Variants in SPINDOC observed in about 807,000 individuals in gnomAD.
SPINDOC encodes the protein spindlin interactor and repressor of chromatin binding.
In SPINDOC, 13 loss-of-function variants were observed where a neutral mutation model predicts 30.7. The ratio of observed to expected loss-of-function variants is 0.42; its 90% CI spans 0.28 to 0.67. The LOEUF is 0.67. SPINDOC is among the 30% of genes least tolerant of loss of function. The probability of loss-of-function intolerance (pLI) is 0.22; values close to 1 mark genes in which losing one functional copy is unlikely to be tolerated. For missense variants in SPINDOC, 438 were observed against 518.0 expected, an observed-to-expected ratio of 0.85 and a Z score of 1.50; for synonymous variants, 228 against 211.4, an observed-to-expected ratio of 1.08 and a Z score of -0.68.
At chr11:63,825,507 T>C (rs188560590) in intron 5 of SPINDOC, among the ~76,000 whole-genome samples, 117 of 152,330 alleles carry the variant, frequency 7.7e-4, no homozygotes, top group African/African-American at 2.6e-3. Context: ...TTTTTATTTG[T>C]TTATCCTATT....
rs1468746087 is a variant in SPINDOC at position 63,823,070 on chromosome 11, G to A, written c.935-3858G>A. On this transcript the variant is annotated intron_variant, in intron 5 of 5. Transcript: ENST00000294244. ...ACAAGTGTTCCTGGAGCCTGTGCCCGAGGGAGGCACCCTGGGAGATGGCAT... is the reference window on the plus strand; with the variant it reads ...ACAAGTGTTCCTGGAGCCTGTGCCCAAGGGAGGCACCCTGGGAGATGGCAT... 7 of 1,189,620 alleles carry A rather than the reference G, an allele frequency of 5.9e-6. No individual in the cohort carries two copies. In the African/African-American group the frequency reaches 6.3e-5, roughly 11 times the overall value. The allele number at this position is 1,189,620 out of a possible 1,614,324, so 73.7% of individuals were successfully genotyped here. A position where few individuals can be genotyped will look rare whatever the true frequency, so the allele number is the denominator to read the frequency against.
intron 5 of SPINDOC, among the ~76,000 whole-genome samples, chr11:63,825,787 C>T (rs2015641630): frequency 6.6e-6 from 1 of 152,122 alleles, no homozygotes; most frequent in Admixed American, 6.5e-5. Flanking sequence ...CAGCACATCG[C>T]ACAGCAAAAT....
intron 1 of SPINDOC, among the ~76,000 whole-genome samples, chr11:63,814,408 A>G (rs1039810166): frequency 2.0e-5 from 3 of 152,192 alleles, no homozygotes; most frequent in Non-Finnish European, 4.4e-5. Context: ...GGGACTGCAT[A>G]CAACAGCTAG....
chr11:63,818,386 G>T lies in SPINDOC; in HGVS notation c.607+21G>T. The T allele has an allele frequency of 6.2e-7, 1 of 1,612,100 alleles. No individual in the cohort carries two copies. Among genetic ancestry groups the T allele is most frequent in the Non-Finnish European group, 8.5e-7 (1 of 1,179,020 alleles). On this transcript the variant is annotated intron_variant, in intron 3 of 5. Transcript: ENST00000294244. The surrounding 1 kb of genome is among the most constrained non-coding windows in gnomAD (Gnocchi z 5.3). ...TCCTGGTTAGTCAACAGAGAAGCCAGTGAGCCCCGGTGGAGGTGGGGGTTT... is the reference window on the plus strand; with the variant it reads ...TCCTGGTTAGTCAACAGAGAAGCCATTGAGCCCCGGTGGAGGTGGGGGTTT...
In SPINDOC at chr11:63,813,716, C is replaced by G. The variant is rs1213097071; in HGVS notation, c.30C>G (p.Leu10=). Residue 10 remains leucine (L), a synonymous_variant, in exon 1 of 6, where the codon CTC becomes CTG. Coordinates refer to ENST00000294244, the MANE Select transcript of SPINDOC (RefSeq NM_138471.3). MALKAEGAA[L]DCFEVTLKCE... is the part of the protein sequence containing the mutation. ...CCCTAAAGGCCGAGGGCGCCGCACT[C>G]GACTGCTTCGAGGTGACGCTGAAAT... The G allele has an allele frequency of 2.5e-6, 4 of 1,590,334 alleles. No homozygotes were observed. Among genetic ancestry groups the G allele is most frequent in the African/African-American group, 2.7e-5 (2 of 73,316 alleles).
chr11:63,817,081 T>C (rs924021125), intron 1 of SPINDOC, among the ~76,000 whole-genome samples: 1 of 152,144 alleles, frequency 6.6e-6, no homozygotes, highest in Non-Finnish European at 1.5e-5. Context: ...CTCAGGTGGC[T>C]AAGGCTGGAG....
At chr11:63,822,190 T>A (rs1478860648) in intron 5 of SPINDOC, among the ~76,000 whole-genome samples, 1 of 151,864 alleles carries the variant, frequency 6.6e-6, no homozygotes, top group Non-Finnish European at 1.5e-5. Context: ...AAAAATTTTT[T>A]AAATTAACTG....
chr11:63,826,374 G>C (rs12286800), intron 5 of SPINDOC, among the ~76,000 whole-genome samples: 84,525 of 151,952 alleles, frequency 0.56, 23,897 homozygotes, highest in East Asian at 0.77. Flanking sequence ...CTCCATACTG[G>C]TAAGGTGGAC....
At position 63,827,359 on chromosome 11, in the gene SPINDOC, AG is replaced by A; in HGVS notation, c.*223del. 1 of 735,626 alleles carries A rather than the reference AG, an allele frequency of 1.4e-6. No homozygotes were observed. Among genetic ancestry groups the A allele is most frequent in the Non-Finnish European group, 2.2e-6 (1 of 459,416 alleles). The allele number at this position is 735,626 out of a possible 1,614,324, so 45.6% of individuals were successfully genotyped here. ...AGGGTGGCTGAGGCTGTTGTGCAGTAGGGCACTGGGCCTGTGGAGAACACCT... is the reference window on the plus strand; with the variant it reads ...AGGGTGGCTGAGGCTGTTGTGCAGTAGGCACTGGGCCTGTGGAGAACACCT... On this transcript the variant is annotated 3_prime_UTR_variant, in exon 6 of 6. Coordinates refer to ENST00000294244, the MANE Select transcript of SPINDOC (RefSeq NM_138471.3).
In SPINDOC at chr11:63,813,511, G is replaced by A; in HGVS notation, c.-176G>A. On this transcript the variant is annotated 5_prime_UTR_variant, in exon 1 of 6. Coordinates refer to ENST00000294244, the MANE Select transcript of SPINDOC (RefSeq NM_138471.3). ...CGCGCCGAGGTCTCGGGGAGGCCCG[G>A]ACGCGCCGGTCGCAGGCCCGGCCGG... The A allele has an allele frequency of 2.9e-6, 1 of 344,204 alleles. No homozygotes were observed. The highest frequency in any genetic ancestry group is 4.1e-6 in the Non-Finnish European group (1 of 246,242). The allele number at this position is 344,204 out of a possible 1,614,324, so 21.3% of individuals were successfully genotyped here.
Position 63,818,332 on chromosome 11 carries a change from C to A in SPINDOC, c.574C>A (p.Arg192=), listed in dbSNP as rs643634. ...TAACCCATCCCTCCCTAAAAGGAGC[C>A]GGCCCAGGGGACTCCGCCCCCTCGA... ...EDNPSLPKRS[R]PRGLRPLELP... Residue 192 remains arginine (R), a synonymous_variant, in exon 3 of 6, where the codon CGG becomes AGG. Coordinates refer to ENST00000294244, the MANE Select transcript of SPINDOC (RefSeq NM_138471.3). The surrounding 1 kb of genome is among the most constrained non-coding windows in gnomAD (Gnocchi z 5.3). The A allele has an allele frequency of 0.45, 727,100 of 1,613,528 alleles. 172,435 individuals are homozygous for A. Among genetic ancestry groups the A allele is most frequent in the East Asian group, 0.7 (31,210 of 44,818 alleles).
Position 63,827,109 on chromosome 11 carries a change from AG to A in SPINDOC, c.1119del (p.Lys374SerfsTer20). ...VLSESSTTVA[G>X]KPEKGNGV Reference sequence around the variant, plus strand: ...TGTCAGAATCCAGCACCACTGTGGCAGGGAAGCCGGAAAAAGGGAATGGAGT... The same window carrying A: ...TGTCAGAATCCAGCACCACTGTGGCAGGAAGCCGGAAAAAGGGAATGGAGT... On this transcript the variant is annotated frameshift_variant, in exon 6 of 6. Transcript: ENST00000294244. LOFTEE classifies it high-confidence loss of function. 1 of 1,390,426 alleles carries A rather than the reference AG, an allele frequency of 7.2e-7. No individual in the cohort carries two copies. The highest frequency in any genetic ancestry group is 9.6e-7 in the Non-Finnish European group (1 of 1,037,164). 86.1% of individuals were successfully genotyped at this position (1,390,426 alleles called of 1,614,324 possible).
intron 5 of SPINDOC, among the ~76,000 whole-genome samples, chr11:63,820,617 C>T (rs964833810): frequency 1.6e-4 from 24 of 151,662 alleles, no homozygotes; most frequent in African/African-American, 5.6e-4. Flanking sequence ...TCGGGCCGGG[C>T]GCGGTGGCTC....
intron 5 of SPINDOC, chr11:63,822,496 T>A (rs2015552027): frequency 1.2e-6 from 1 of 809,468 alleles, no homozygotes; most frequent in African/African-American, 1.8e-5. Flanking sequence ...TTTGTATCCT[T>A]CAGAGAGAGC....
chr11:63,815,763 C>G (rs2015322505), intron 1 of SPINDOC, among the ~76,000 whole-genome samples: 1 of 150,932 alleles, frequency 6.6e-6, no homozygotes, highest in Admixed American at 6.6e-5. Context: ...TCTGTATGGT[C>G]ATGGATTTTT....
rs373118347 is a variant in SPINDOC at position 63,818,101 on chromosome 11, G to A, written c.424G>A (p.Val142Met). ...TGAAGGGGTGGCCCTCTTGCAAGAC[G>A]TGAGAGCTGAGCAGCCGTCCCCACC... is the stretch of plus-strand genomic sequence containing the variant. ...WSEGVALLQDVRAEQPSPPNS... is the reference protein window; with the variant it reads ...WSEGVALLQDMRAEQPSPPNS... Residue 142 changes from valine (V) to methionine (M), a missense_variant, in exon 2 of 6, where the codon GTG becomes ATG. Val to Met is a conservative substitution (Grantham distance 21). This residue lies in a region of SPINDOC where 300 missense variants were observed against 332.8 expected (regional missense o/e 0.90). Transcript: ENST00000294244. The surrounding 1 kb of genome is among the most constrained non-coding windows in gnomAD (Gnocchi z 5.3). 78 of 1,614,010 alleles carry A rather than the reference G, an allele frequency of 4.8e-5. No individual in the cohort carries two copies. The highest frequency in any genetic ancestry group is 2.8e-4 in the African/African-American group (21 of 74,900).
rs1328313389 is a variant in SPINDOC at position 63,818,432 on chromosome 11, G to A, written c.607+67G>A. 6.2e-7 allele frequency: 1 copy of A among 1,606,294 alleles called. No homozygotes were observed. On this transcript the variant is annotated intron_variant, in intron 3 of 5. Coordinates refer to ENST00000294244, the MANE Select transcript of SPINDOC (RefSeq NM_138471.3). This position sits in a 1 kb window ranked among gnomAD's most constrained non-coding sequence, Gnocchi z 5.3. Reference sequence around the variant, plus strand: ...GGTTTGGGGACAGGGTGAAATACAGGCCCTGTGTTCTGGGCAGGTATCTTC... The same window carrying A: ...GGTTTGGGGACAGGGTGAAATACAGACCCTGTGTTCTGGGCAGGTATCTTC...
At chr11:63,813,839 C>T in intron 1 of SPINDOC, 26 bp downstream of exon 1, 2 of 1,498,580 alleles carry the variant, frequency 1.3e-6, no homozygotes, top group Non-Finnish European at 1.8e-6. Flanking sequence ...ATTCCACTTC[C>T]GCGTCACGGT....
At chr11:63,825,052 G>A (rs954598358) in intron 5 of SPINDOC, among the ~76,000 whole-genome samples, 2 of 152,188 alleles carry the variant, frequency 1.3e-5, no homozygotes, top group African/African-American at 4.8e-5. Context: ...ACAAACCTAA[G>A]CCAGGTCTCC....
Sources: gnomAD v4.1 joint callset for allele counts (sites outside exome capture counted in the v4.1 genomes callset) on GRCh38, gnomAD v4.1.1 for gene constraint, gnomAD v4.1.1 regional missense constraint, Gnocchi (gnomAD v3.1) non-coding constraint, MANE v1.5 for transcripts, NCBI Gene and HGNC (gene_info 2026-07-23, HGNC 2026-07-21) for gene names.